Variants in ROBO2 observed in about 807,000 individuals in gnomAD.
ROBO2 encodes the protein roundabout guidance receptor 2.
In ROBO2, 53 loss-of-function variants were observed where a neutral mutation model predicts 160.8. The observed-to-expected ratio is 0.33, with a 90% CI of 0.26 to 0.41. The LOEUF is 0.41. Among genes scored for constraint, ROBO2 ranks in the 10% least tolerant of loss-of-function variants. ROBO2 has a pLI of 1.00. For synonymous variants in ROBO2, 664 were observed against 611.7 expected (o/e 1.09, Z -1.26); for missense variants, 1,577 against 1,722.4 (o/e 0.92, Z 1.49).
rs772482914 is a variant in ROBO2 at position 76,263,231 on chromosome 3, A to G, written c.109+325629A>G. ...ACAAGCACCGTTGAATCATGGTACAATAGTCCTTTTTTTTGGGGAAGGGTC... is the reference window on the plus strand; with the variant it reads ...ACAAGCACCGTTGAATCATGGTACAGTAGTCCTTTTTTTTGGGGAAGGGTC... On this transcript the variant is annotated intron_variant, in intron 2 of 26. Coordinates refer to the ROBO2 transcript ENST00000487694. Among the ~76,000 whole-genome samples the G allele has an allele frequency of 1.2e-3, 187 of 152,212 alleles. 4 individuals carry two copies. The highest frequency in any genetic ancestry group is 9.8e-4 in the Admixed American group (15 of 15,268).
intron 2 of ROBO2, among the ~76,000 whole-genome samples, chr3:76,949,385 T>A (rs9309755): frequency 1.3e-5 from 2 of 151,918 alleles, no homozygotes; most frequent in South Asian, 2.1e-4. Context: ...TTTATTTATC[T>A]TCTTGACTTA....
chr3:76,318,704 T>C (rs1441816136), intron 2 of ROBO2, among the ~76,000 whole-genome samples: 1 of 152,182 alleles, frequency 6.6e-6, no homozygotes, highest in African/African-American at 2.4e-5. Context: ...GGGTGGACCA[T>C]GGCTAATATT....
chr3:76,951,826 G>A (rs554190512), intron 2 of ROBO2, among the ~76,000 whole-genome samples: 4 of 152,240 alleles, frequency 2.6e-5, no homozygotes, highest in Admixed American at 6.5e-5. Context: ...TGTTCACAAA[G>A]CCAACTGCTA....
At chr3:76,235,555 G>A (rs887621151) in intron 2 of ROBO2, among the ~76,000 whole-genome samples, 1 of 152,090 alleles carries the variant, frequency 6.6e-6, no homozygotes, top group African/African-American at 2.4e-5. Context: ...TGGTAGTCCA[G>A]AGTAGTTCAT....
At chr3:77,007,203 A>G (rs189434201) in intron 2 of ROBO2, among the ~76,000 whole-genome samples, 12 of 152,302 alleles carry the variant, frequency 7.9e-5, no homozygotes, top group Admixed American at 3.3e-4. Flanking sequence ...ATCCTTTGTT[A>G]AAAGCTTTGA....
At chr3:76,240,225 G>A (rs1482813501) in intron 2 of ROBO2, among the ~76,000 whole-genome samples, 2 of 151,996 alleles carry the variant, frequency 1.3e-5, no homozygotes, top group East Asian at 1.9e-4. Context: ...GTGGTTTGCT[G>A]CACCCACCAA....
intron 23 of ROBO2, chr3:77,631,605 T>G (rs2095164961): frequency 6.6e-6 from 1 of 152,140 alleles, no homozygotes; most frequent in African/African-American, 2.4e-5. Flanking sequence ...AGTCTGTTTT[T>G]GTCTAAGAAA....
intron 2 of ROBO2, among the ~76,000 whole-genome samples, chr3:76,621,906 A>T (rs923029698): frequency 6.6e-6 from 1 of 152,118 alleles, no homozygotes; most frequent in Non-Finnish European, 1.5e-5. Context: ...AACTATACAA[A>T]TATCTCAGTG....
intron 2 of ROBO2, among the ~76,000 whole-genome samples, chr3:76,828,740 TG>T (rs1172148249): frequency 6.6e-6 from 1 of 152,180 alleles, no homozygotes; most frequent in Non-Finnish European, 1.5e-5. Context: ...TAAGCATACC[TG>T]GTCCCTTGAT....
intron 2 of ROBO2, among the ~76,000 whole-genome samples, chr3:76,262,931 T>C (rs543081615): frequency 1.3e-5 from 2 of 152,246 alleles, no homozygotes; most frequent in South Asian, 4.1e-4. Flanking sequence ...AGTTTTTATA[T>C]AAAATCTCTT....
At chr3:77,036,288 G>T (rs2063631787), upstream of ROBO2, among the ~76,000 whole-genome samples, 1 of 151,972 alleles carries the variant, frequency 6.6e-6, no homozygotes, top group Non-Finnish European at 1.5e-5. Context: ...CACGTGGTTA[G>T]TGCTCACTAC....
intron 2 of ROBO2, among the ~76,000 whole-genome samples, chr3:77,165,135 G>A (rs2078950790): frequency 6.6e-6 from 1 of 151,804 alleles, no homozygotes; most frequent in Non-Finnish European, 1.5e-5. Flanking sequence ...GAAAGGCGGG[G>A]AAAAGATTGA....
intron 2 of ROBO2, among the ~76,000 whole-genome samples, chr3:76,185,215 T>TACACACAC (rs1553669701): frequency 1.1e-5 from 1 of 90,312 alleles, no homozygotes; most frequent in African/African-American, 3.8e-5. Context: ...TATATATATA[T>TACACACAC]ACACACACAA....
intron 2 of ROBO2, among the ~76,000 whole-genome samples, chr3:76,054,382 TAAACTTCTA>T (rs2067762100): frequency 6.6e-6 from 1 of 152,158 alleles, no homozygotes; most frequent in Non-Finnish European, 1.5e-5. Context: ...TCTTGAGGAA[TAAACTTCTA>T]AAAGTAGTAG....
intron 2 of ROBO2, among the ~76,000 whole-genome samples, chr3:76,417,804 T>G (rs72898589): frequency 6.6e-6 from 1 of 152,218 alleles, no homozygotes; most frequent in African/African-American, 2.4e-5. Flanking sequence ...ATTTTATAGT[T>G]GATTCTTGTC....
intron 6 of ROBO2, among the ~76,000 whole-genome samples, chr3:77,543,770 GT>G (rs35361831): frequency 0.1 from 15,909 of 152,136 alleles, 1,096 homozygotes; most frequent in South Asian, 0.15. Flanking sequence ...AAGAAGGACT[GT>G]ATAGAGTATC....
chr3:76,863,573 T>A (rs2148631438), intron 2 of ROBO2, among the ~76,000 whole-genome samples: 1 of 152,242 alleles, frequency 6.6e-6, no homozygotes, highest in Non-Finnish European at 1.5e-5. Context: ...ATGTAGTATT[T>A]ATTTTGTTGT....
chr3:76,177,082 C>T (rs2107063736), intron 2 of ROBO2, among the ~76,000 whole-genome samples: 1 of 152,236 alleles, frequency 6.6e-6, no homozygotes, highest in East Asian at 1.9e-4. Context: ...ATTATAGCTA[C>T]AAATTTCTGT....
At chr3:77,356,007 T>A (rs1487992165) in intron 2 of ROBO2, among the ~76,000 whole-genome samples, 2 of 152,182 alleles carry the variant, frequency 1.3e-5, no homozygotes, top group Admixed American at 1.3e-4. Flanking sequence ...AATATGCTTA[T>A]TCTCGTTACT....
Sources: allele counts gnomAD v4.1 joint callset (sites outside exome capture counted in the v4.1 genomes callset), GRCh38; gene constraint gnomAD v4.1.1; transcripts MANE v1.5; gene names NCBI Gene and HGNC (gene_info 2026-07-23, HGNC 2026-07-21).